NEGR1: variants seen among roughly 807,000 people sequenced by gnomAD.
The protein encoded by NEGR1 is IgLON family member 4.
In NEGR1, 10 loss-of-function variants were observed where a neutral mutation model predicts 40.9. That is an observed-to-expected ratio of 0.24 (90% CI 0.15 to 0.42). The LOEUF (loss-of-function observed/expected upper bound fraction) is 0.42. Ranked by LOEUF, NEGR1 falls within the 10% of genes least tolerant of loss-of-function variation. The pLI, the probability that NEGR1 is intolerant of heterozygous loss-of-function variation, is 1.00. For synonymous variants in NEGR1, 185 were observed against 166.8 expected (o/e 1.11, Z -0.84); for missense variants, 352 against 438.9 (o/e 0.80, Z 1.77).
intron 3 of NEGR1, among the ~76,000 whole-genome samples, chr1:71,746,429 CTAAGAT>C (rs1224311892): frequency 6.6e-6 from 1 of 152,112 alleles, no homozygotes; most frequent in Non-Finnish European, 1.5e-5. Context: ...ACTCTTTAGT[CTAAGAT>C]TATCTGGTTA....
intron 2 of NEGR1, among the ~76,000 whole-genome samples, chr1:71,854,526 T>C (rs1659702818): frequency 6.6e-6 from 1 of 152,120 alleles, no homozygotes; most frequent in Admixed American, 6.6e-5. Flanking sequence ...AAGGTGATGA[T>C]AATTATAATC....
intron 6 of NEGR1, among the ~76,000 whole-genome samples, chr1:71,420,117 T>G (rs1646385000): frequency 6.6e-6 from 1 of 152,098 alleles, no homozygotes; most frequent in South Asian, 2.1e-4. Context: ...AAAATAGCAT[T>G]CCCTGCATTA....
intron 1 of NEGR1, among the ~76,000 whole-genome samples, chr1:72,097,856 G>A (rs556560745): frequency 6.6e-6 from 1 of 152,148 alleles, no homozygotes; most frequent in Non-Finnish European, 1.5e-5. Flanking sequence ...GAGATCTCTG[G>A]GATCATTAAA....
chr1:72,063,446 C>T (rs913676803), intron 1 of NEGR1, among the ~76,000 whole-genome samples: 2 of 151,886 alleles, frequency 1.3e-5, no homozygotes, highest in African/African-American at 4.8e-5. Context: ...CCTATTAGGT[C>T]GGTGCACAAG....
intron 2 of NEGR1, among the ~76,000 whole-genome samples, chr1:71,857,850 A>C (rs1268483266): frequency 6.6e-6 from 1 of 151,932 alleles, no homozygotes; most frequent in East Asian, 1.9e-4. Flanking sequence ...ACAACCCTAC[A>C]ATTTCTAGAG....
chr1:71,659,870 C>T (rs1210180965), intron 4 of NEGR1, among the ~76,000 whole-genome samples: 6 of 152,044 alleles, frequency 3.9e-5, no homozygotes, highest in Non-Finnish European at 1.5e-5. Flanking sequence ...CTTATACACT[C>T]TTTGTGGGAG....
intron 4 of NEGR1, among the ~76,000 whole-genome samples, chr1:71,677,133 C>G (rs983517028): frequency 6.6e-6 from 1 of 152,106 alleles, no homozygotes; most frequent in African/African-American, 2.4e-5. Context: ...TAGCTCCAAG[C>G]TGGTGCATTG....
At chr1:72,004,201 C>T (rs1646582398) in intron 1 of NEGR1, among the ~76,000 whole-genome samples, 3 of 151,970 alleles carry the variant, frequency 2.0e-5, no homozygotes, top group Non-Finnish European at 4.4e-5. Context: ...TATATACACA[C>T]ACACATGCGT....
rs546414646 is a variant in NEGR1, at chr1:71,567,459, A to G, written c.940+25358T>C. 6.2e-4 allele frequency among the ~76,000 whole-genome samples: 95 copies of G among 152,280 alleles called. No homozygotes were observed. In the South Asian group the frequency reaches 0.019, roughly 31 times the overall value. ...TACCTATACTTTAATTTAATAGCCTATGCTTATTTTGATCACTTAATTGCA... is the reference window on the plus strand; with the variant it reads ...TACCTATACTTTAATTTAATAGCCTGTGCTTATTTTGATCACTTAATTGCA... On this transcript the variant is annotated intron_variant, in intron 6 of 6. Coordinates refer to ENST00000357731, the MANE Select transcript of NEGR1 (RefSeq NM_173808.3).
chr1:71,747,528 G>A (rs1001477772), intron 3 of NEGR1, among the ~76,000 whole-genome samples: 3 of 151,626 alleles, frequency 2.0e-5, no homozygotes, highest in South Asian at 2.1e-4. Flanking sequence ...GGGTTTGAGC[G>A]ATTCTCCTGC....
intron 2 of NEGR1, among the ~76,000 whole-genome samples, chr1:71,932,328 T>G (rs1405127331): frequency 6.6e-6 from 1 of 152,140 alleles, no homozygotes; most frequent in Non-Finnish European, 1.5e-5. Flanking sequence ...TTTGTCTTTT[T>G]TTGACTGGTG....
rs568822444 is a variant in NEGR1 at position 71,441,579 on chromosome 1, AC to A, written c.941-34010del. ...GACAACAGTAATGAAGTAAAATTTT[AC>A]TTTTAGTGACATGAGAAGGCATCAT... On this transcript the variant is annotated intron_variant, in intron 6 of 6. Coordinates refer to ENST00000357731, the MANE Select transcript of NEGR1 (RefSeq NM_173808.3). 6.6e-5 allele frequency among the ~76,000 whole-genome samples: 10 copies of A among 152,270 alleles called. No homozygotes were observed. In the East Asian group the frequency reaches 1.9e-3, roughly 29 times the overall value.
chr1:71,790,483 C>T (rs1657076212), intron 2 of NEGR1, among the ~76,000 whole-genome samples: 1 of 151,888 alleles, frequency 6.6e-6, no homozygotes, highest in East Asian at 1.9e-4. Flanking sequence ...TGCAGTACTA[C>T]GTTAGGACAC....
At position 72,150,522 on chromosome 1, in the gene NEGR1, A is replaced by T. The variant is rs186529268; in HGVS notation, c.176+131797T>A. Among the ~76,000 whole-genome samples the T allele has an allele frequency of 7.9e-5, 12 of 152,340 alleles. No individual in the cohort carries two copies. In the East Asian group the frequency reaches 2.3e-3, roughly 29 times the overall value. ...GAGTTTACCTGGGATCTTAGCAAAT[A>T]TTAAAGATGATACATGAAAATACAG... On this transcript the variant is annotated intron_variant, in intron 1 of 6. Coordinates refer to ENST00000357731, the MANE Select transcript of NEGR1 (RefSeq NM_173808.3).
chr1:71,770,973 A>G (rs1656297689), intron 3 of NEGR1, among the ~76,000 whole-genome samples: 2 of 152,208 alleles, frequency 1.3e-5, no homozygotes, highest in South Asian at 4.1e-4. Flanking sequence ...AGGATTATAA[A>G]TCATTCTACT....
chr1:72,014,040 A>G (rs947318773), intron 1 of NEGR1, among the ~76,000 whole-genome samples: 7 of 151,244 alleles, frequency 4.6e-5, no homozygotes. Context: ...GAATTTCAAA[A>G]GATTCATAAT....
rs114216002 is a variant in NEGR1, at chr1:71,456,332, T to C, written c.941-48762A>G. Among the ~76,000 whole-genome samples, 581 of 152,286 alleles carry C rather than the reference T, an allele frequency of 3.8e-3. 6 individuals are homozygous for C. The highest frequency in any genetic ancestry group is 0.013 in the African/African-American group (561 of 41,572). On this transcript the variant is annotated intron_variant, in intron 6 of 6. Transcript: ENST00000357731. ...TGTATTGACCAGGCTGGTCTCAAACTCCTGGTCTCAAGCAATTCTCTTGCC... is the reference window on the plus strand; with the variant it reads ...TGTATTGACCAGGCTGGTCTCAAACCCCTGGTCTCAAGCAATTCTCTTGCC...
intron 4 of NEGR1, among the ~76,000 whole-genome samples, chr1:71,641,397 G>A (rs867306561): frequency 5.3e-5 from 8 of 151,964 alleles, no homozygotes; most frequent in African/African-American, 1.9e-4. Context: ...CAGGTCCCTC[G>A]GTGTATAAAA....
chr1:72,208,427 A>G (rs1653486146), intron 1 of NEGR1, among the ~76,000 whole-genome samples: 1 of 151,686 alleles, frequency 6.6e-6, no homozygotes, highest in African/African-American at 2.4e-5. Flanking sequence ...TCACTCAACT[A>G]ATAAACCAGA....
Sources: gnomAD v4.1 joint callset for allele counts (sites outside exome capture counted in the v4.1 genomes callset) on GRCh38, gnomAD v4.1.1 for gene constraint, MANE v1.5 for transcripts, NCBI Gene and HGNC (gene_info 2026-07-23, HGNC 2026-07-21) for gene names.